The following FUT9 variants were observed in gnomAD, a reference collection of about 807,000 sequenced individuals.
FUT9 encodes the protein 4-galactosyl-N-acetylglucosaminide 3-alpha-L-fucosyltransferase 9.
Under a neutral mutation model 29.7 loss-of-function variants are expected in FUT9, and 15 were observed. The observed-to-expected ratio is 0.51, with a 90% CI of 0.34 to 0.78. FUT9 has a LOEUF of 0.78. Ranked by LOEUF, FUT9 falls within the 30% of genes least tolerant of loss-of-function variation. FUT9 has a pLI of 0.01. For synonymous variants in FUT9, 169 were observed against 153.7 expected (o/e 1.10, Z -0.74); for missense variants, 319 against 425.4 (o/e 0.75, Z 2.20).
intron 2 of FUT9, among the ~76,000 whole-genome samples, chr6:96,136,120 T>C (rs1172417170): frequency 6.6e-6 from 1 of 151,770 alleles, no homozygotes; most frequent in Non-Finnish European, 1.5e-5. Context: ...CTTTATCTCC[T>C]ACTTGCCTGA....
chr6:96,145,867 T>C (rs954186432), intron 2 of FUT9, among the ~76,000 whole-genome samples: 8 of 152,140 alleles, frequency 5.3e-5, no homozygotes, highest in African/African-American at 1.9e-4. Context: ...TTTTATTTCT[T>C]TGCATTTCAT....
rs1423971943 is a variant in FUT9 at position 96,203,286 on chromosome 6, C to T, written c.131C>T (p.Ala44Val). The T allele has an allele frequency of 1.2e-6, 2 of 1,613,740 alleles. No homozygotes were observed. Among genetic ancestry groups the T allele is most frequent in the Non-Finnish European group, 1.7e-6 (2 of 1,179,850 alleles). Residue 44 changes from alanine to valine, a missense_variant, in exon 3 of 3, where the codon GCC becomes GTC. By Grantham distance (64) the Ala-to-Val change is moderately conservative (BLOSUM62 0). Transcript: ENST00000302103. ...NSWIFSPMES[A>V]SSVLKMKNFF... is the part of the protein sequence containing the mutation. ...TGGATCTTCAGTCCAATGGAATCAG[C>T]CAGCTCTGTGCTGAAAATGAAAAAC...
At chr6:96,200,109 T>C (rs1008408645) in intron 2 of FUT9, among the ~76,000 whole-genome samples, 1 of 152,126 alleles carries the variant, frequency 6.6e-6, no homozygotes, top group Admixed American at 6.6e-5. Context: ...TGGGCCTCAG[T>C]TTCTTTATCA....
In FUT9 at chr6:96,182,591, G is replaced by A. The variant is rs141677678; in HGVS notation, c.-8-20557G>A. Among the ~76,000 whole-genome samples, 254 of 151,030 alleles carry A rather than the reference G, an allele frequency of 1.7e-3. 1 individual carries two copies. Among genetic ancestry groups the A allele is most frequent in the African/African-American group, 5.8e-3 (242 of 41,398 alleles). ...AGTCCTTGATCCATCTTGAACTCAG[G>A]TTTAAGCCCTTGATCCATCTTGTGT... is the stretch of plus-strand genomic sequence containing the variant. On this transcript the variant is annotated intron_variant, in intron 2 of 2. Coordinates refer to ENST00000302103, the MANE Select transcript of FUT9 (RefSeq NM_006581.4).
chr6:96,056,665 G>A (rs543843691), intron 1 of FUT9, among the ~76,000 whole-genome samples: 24 of 152,066 alleles, frequency 1.6e-4, no homozygotes, highest in Non-Finnish European at 3.5e-4. Context: ...CAGGAGGATC[G>A]CTTGAGCCCA....
At position 96,147,432 on chromosome 6, in the gene FUT9, A is replaced by G. The variant is rs892853151; in HGVS notation, c.-9+33305A>G. Reference sequence around the variant, plus strand: ...GATCCGCCTGCCTCAGCCTCCCAAAATGCTGGGATTATAGGCATGAGCCAC... The same window carrying G: ...GATCCGCCTGCCTCAGCCTCCCAAAGTGCTGGGATTATAGGCATGAGCCAC... On this transcript the variant is annotated intron_variant, in intron 2 of 2. Transcript: ENST00000302103. 7.2e-5 allele frequency among the ~76,000 whole-genome samples: 11 copies of G among 151,940 alleles called. 1 individual carries two copies. The South Asian group carries it at 1.5e-3, about 20-fold the overall frequency.
intron 2 of FUT9, among the ~76,000 whole-genome samples, chr6:96,177,314 T>C (rs914650595): frequency 3.3e-5 from 5 of 152,008 alleles, no homozygotes; most frequent in African/African-American, 1.2e-4. Flanking sequence ...CAAGGTAAAA[T>C]AGATGACAAG....
At chr6:96,128,980 G>C (rs571204664) in intron 2 of FUT9, among the ~76,000 whole-genome samples, 83 of 151,804 alleles carry the variant, frequency 5.5e-4, no homozygotes, top group African/African-American at 1.9e-3. Flanking sequence ...AATAGCCACC[G>C]GGTGTGGTGG....
At chr6:96,031,785 T>A (rs112631793) in intron 1 of FUT9, among the ~76,000 whole-genome samples, 1 of 151,748 alleles carries the variant, frequency 6.6e-6, no homozygotes, top group African/African-American at 2.4e-5. Flanking sequence ...TAAGTCTTTT[T>A]AAATATATTT....
chr6:96,148,758 T>C (rs1251200033), intron 2 of FUT9, among the ~76,000 whole-genome samples: 3 of 152,090 alleles, frequency 2.0e-5, no homozygotes, highest in Non-Finnish European at 2.9e-5. Context: ...TTTAACCAAA[T>C]GTATTGCCTT....
At chr6:96,142,982 G>T (rs1772493012) in intron 2 of FUT9, among the ~76,000 whole-genome samples, 2 of 152,146 alleles carry the variant, frequency 1.3e-5, no homozygotes, top group Admixed American at 1.3e-4. Flanking sequence ...ATAAAAGCCT[G>T]TGGTTTTGAT....
At chr6:96,170,912 G>A (rs76821157) in intron 2 of FUT9, among the ~76,000 whole-genome samples, 2 of 152,102 alleles carry the variant, frequency 1.3e-5, no homozygotes, top group African/African-American at 4.8e-5. Context: ...TGAAGTAACT[G>A]TCTACACTTT....
chr6:96,160,256 A>G (rs1267067553), intron 2 of FUT9, among the ~76,000 whole-genome samples: 3 of 152,158 alleles, frequency 2.0e-5, no homozygotes, highest in African/African-American at 7.2e-5. Flanking sequence ...GCTCTGATGA[A>G]GAGTCAGGGG....
chr6:96,039,207 A>T (rs1460871979), intron 1 of FUT9, among the ~76,000 whole-genome samples: 1 of 152,098 alleles, frequency 6.6e-6, no homozygotes, highest in Non-Finnish European at 1.5e-5. Flanking sequence ...TCAGTTATAT[A>T]TATGTATACA....
At chr6:96,167,593 G>A (rs986344123) in intron 2 of FUT9, among the ~76,000 whole-genome samples, 3 of 152,158 alleles carry the variant, frequency 2.0e-5, no homozygotes, top group Non-Finnish European at 4.4e-5. Context: ...AGCAGACAAG[G>A]ATTTCTGTCC....
At chr6:96,179,127 G>C (rs559042062) in intron 2 of FUT9, among the ~76,000 whole-genome samples, 1 of 152,018 alleles carries the variant, frequency 6.6e-6, no homozygotes, top group Non-Finnish European at 1.5e-5. Flanking sequence ...TAGTCATCCC[G>C]TATTGTATAT....
Position 96,145,914 on chromosome 6 carries a change from G to C in FUT9, c.-9+31787G>C, listed in dbSNP as rs892503845. On this transcript the variant is annotated intron_variant, in intron 2 of 2. Coordinates refer to ENST00000302103, the MANE Select transcript of FUT9 (RefSeq NM_006581.4). ...AAGGTCTCACTCTGTCATCCAGGCTGGCATGACCACTGCTCACTGCAGCCT... is the reference window on the plus strand; with the variant it reads ...AAGGTCTCACTCTGTCATCCAGGCTCGCATGACCACTGCTCACTGCAGCCT... Among the ~76,000 whole-genome samples the C allele has an allele frequency of 4.0e-5, 6 of 148,838 alleles. No homozygotes were observed. The Admixed American group carries it at 4.1e-4, about 10-fold the overall frequency.
chr6:96,076,729 CTG>C (rs1244875488), intron 1 of FUT9, among the ~76,000 whole-genome samples: 1 of 152,106 alleles, frequency 6.6e-6, no homozygotes, highest in Non-Finnish European at 1.5e-5. Context: ...TGTTGTAACA[CTG>C]TTTTATGTTT....
intron 1 of FUT9, among the ~76,000 whole-genome samples, chr6:96,060,541 C>T (rs1196349790): frequency 6.7e-6 from 1 of 149,006 alleles, no homozygotes; most frequent in Non-Finnish European, 1.5e-5. Flanking sequence ...TTTTCTCTCT[C>T]TCTTTTTTTT....
Sources: gnomAD v4.1 joint callset for allele counts (sites outside exome capture counted in the v4.1 genomes callset) on GRCh38, gnomAD v4.1.1 for gene constraint, MANE v1.5 for transcripts, NCBI Gene and HGNC (gene_info 2026-07-23, HGNC 2026-07-21) for gene names.